RBFOX1: variants seen among roughly 807,000 people sequenced by gnomAD.
RBFOX1 encodes the protein RNA binding fox-1 homolog 1.
A neutral mutation model predicts 57.7 loss-of-function variants in RBFOX1; 8 were observed. That is an observed-to-expected ratio of 0.14 (90% CI 0.08 to 0.25). The LOEUF is 0.25. Ranked by LOEUF, RBFOX1 falls within the 10% of genes least tolerant of loss-of-function variation. The pLI is 1.00. For synonymous variants in RBFOX1, 326 were observed against 222.4 expected, an observed-to-expected ratio of 1.47 and a Z score of -4.15; for missense variants, 611 against 548.5, an observed-to-expected ratio of 1.11 and a Z score of -1.14.
At chr16:7,159,075 T>C (rs1488538043) in intron 4 of RBFOX1, among the ~76,000 whole-genome samples, 2 of 151,912 alleles carry the variant, frequency 1.3e-5, no homozygotes, top group African/African-American at 2.4e-5. Flanking sequence ...ACTTCTGAAG[T>C]TCTATCATAT....
chr16:7,195,040 A>T (rs570531371), intron 4 of RBFOX1, among the ~76,000 whole-genome samples: 1 of 131,218 alleles, frequency 7.6e-6, no homozygotes, highest in Non-Finnish European at 1.8e-5. Flanking sequence ...TTGTTCTTCT[A>T]ATTCTAGCAA....
intron 4 of RBFOX1, among the ~76,000 whole-genome samples, chr16:7,349,565 C>T (rs1207888092): frequency 6.6e-6 from 1 of 151,816 alleles, no homozygotes; most frequent in Non-Finnish European, 1.5e-5. Context: ...CCAGTTAATA[C>T]TCCTCCCTTT....
At chr16:6,639,404 G>A (rs1052059222) in intron 2 of RBFOX1, among the ~76,000 whole-genome samples, 2 of 152,136 alleles carry the variant, frequency 1.3e-5, no homozygotes, top group Non-Finnish European at 2.9e-5. Flanking sequence ...CCAGGAGAAC[G>A]TGTCCTGTTA....
At chr16:5,755,127 C>A (rs2053347411) in intron 3 of RBFOX1, among the ~76,000 whole-genome samples, 1 of 101,362 alleles carries the variant, frequency 9.9e-6, no homozygotes, top group Non-Finnish European at 2.0e-5. Context: ...AGCATGCTGC[C>A]TTCAAGCATC....
intron 3 of RBFOX1, among the ~76,000 whole-genome samples, chr16:6,798,194 C>A (rs1218380127): frequency 6.6e-6 from 1 of 152,148 alleles, no homozygotes; most frequent in African/African-American, 2.4e-5. Context: ...CTGGTCGTGT[C>A]CCTAAGAGAA....
At chr16:7,083,729 A>T (rs2059552413) in intron 4 of RBFOX1, among the ~76,000 whole-genome samples, 1 of 152,152 alleles carries the variant, frequency 6.6e-6, no homozygotes, top group Admixed American at 6.5e-5. Flanking sequence ...TTTCCTAGAG[A>T]TGGGCAAGAG....
intron 4 of RBFOX1, among the ~76,000 whole-genome samples, chr16:7,121,299 G>A (rs940924091): frequency 1.3e-5 from 2 of 151,926 alleles, no homozygotes; most frequent in Non-Finnish European, 2.9e-5. Flanking sequence ...AGAGCATATC[G>A]GTTGGAAATT....
chr16:6,044,532 T>G (rs971016634), intron 1 of RBFOX1, among the ~76,000 whole-genome samples: 3 of 151,568 alleles, frequency 2.0e-5, no homozygotes, highest in Admixed American at 6.6e-5. Context: ...GGTGAGCTAA[T>G]GAGCTAATTA....
At position 7,683,222 on chromosome 16, in the gene RBFOX1, T is replaced by C. The variant is rs987818946; in HGVS notation, c.995+6384T>C. ...GTAGAGTCACCGTAATTTTTTAAAA[T>C]TGGGTTTATGCATGTCAAGCTCTCA... On this transcript the variant is annotated intron_variant, in intron 14 of 15. Coordinates refer to ENST00000550418, the MANE Select transcript of RBFOX1 (RefSeq NM_018723.4). 2.7e-5 allele frequency among the ~76,000 whole-genome samples: 4 copies of C among 148,980 alleles called. No homozygotes were observed. The East Asian group carries it at 8.2e-4, about 31-fold the overall frequency.
chr16:6,445,673 C>A (rs545847734), intron 2 of RBFOX1, among the ~76,000 whole-genome samples: 9 of 151,638 alleles, frequency 5.9e-5, no homozygotes, highest in Non-Finnish European at 1.2e-4. Flanking sequence ...ACCTCCACCC[C>A]CTGGGTTCAA....
At chr16:5,291,024 T>C (rs542166376) in intron 1 of RBFOX1, among the ~76,000 whole-genome samples, 113 of 152,192 alleles carry the variant, frequency 7.4e-4, no homozygotes, top group African/African-American at 2.6e-3. Context: ...TTCAAGAAGT[T>C]TGTGTGGCTG....
At chr16:7,692,821 TGAG>T (rs2077644028) in intron 14 of RBFOX1, among the ~76,000 whole-genome samples, 1 of 152,182 alleles carries the variant, frequency 6.6e-6, no homozygotes, top group Non-Finnish European at 1.5e-5. Context: ...CTGGGTTTGA[TGAG>T]GAAATTATTA....
intron 2 of RBFOX1, among the ~76,000 whole-genome samples, chr16:6,508,578 T>C (rs76093985): frequency 0.012 from 1,797 of 152,284 alleles, 41 homozygotes; most frequent in African/African-American, 0.041. Context: ...TCCCGTAACA[T>C]CTCGTCTCTG....
intron 3 of RBFOX1, among the ~76,000 whole-genome samples, chr16:5,841,919 T>G (rs2056635250): frequency 6.6e-6 from 1 of 152,222 alleles, no homozygotes; most frequent in Non-Finnish European, 1.5e-5. Context: ...TGATTTGAAA[T>G]TAAACACCAC....
chr16:6,950,242 G>C (rs982282588), intron 3 of RBFOX1, among the ~76,000 whole-genome samples: 1 of 151,498 alleles, frequency 6.6e-6, no homozygotes, highest in Non-Finnish European at 1.5e-5. Flanking sequence ...ACAGGCATGA[G>C]CCACCATGTC....
chr16:6,273,114 G>A (rs566689435), intron 1 of RBFOX1, among the ~76,000 whole-genome samples: 1 of 151,856 alleles, frequency 6.6e-6, no homozygotes, highest in South Asian at 2.1e-4. Context: ...ACAAAAATTA[G>A]CCAGGCATGG....
intron 5 of RBFOX1, among the ~76,000 whole-genome samples, chr16:7,571,780 C>A (rs1015056365): frequency 6.6e-6 from 1 of 152,012 alleles, no homozygotes; most frequent in Non-Finnish European, 1.5e-5. Flanking sequence ...GTCCTGCAGC[C>A]TTTCCTGTTT....
At chr16:5,790,921 T>G (rs992730212) in intron 3 of RBFOX1, among the ~76,000 whole-genome samples, 2 of 149,990 alleles carry the variant, frequency 1.3e-5, no homozygotes, top group African/African-American at 4.9e-5. Context: ...CAGGCTGGAG[T>G]GCAGTGGTGT....
At chr16:7,406,193 C>T (rs1354550730) in intron 4 of RBFOX1, among the ~76,000 whole-genome samples, 1 of 152,166 alleles carries the variant, frequency 6.6e-6, no homozygotes, top group Non-Finnish European at 1.5e-5. Context: ...GATCATGACA[C>T]CTAAACATCA....
Sources: allele counts gnomAD v4.1 joint callset (sites outside exome capture counted in the v4.1 genomes callset), GRCh38; gene constraint gnomAD v4.1.1; transcripts MANE v1.5; gene names NCBI Gene and HGNC (gene_info 2026-07-23, HGNC 2026-07-21).